SLC1A2: variants seen among roughly 807,000 people sequenced by gnomAD.
The protein encoded by SLC1A2 is solute carrier family 1 member 2, also known as excitatory amino acid transporter 2.
In SLC1A2, 15 loss-of-function variants were observed where a neutral mutation model predicts 48.8. The observed-to-expected ratio is 0.31, with a 90% CI of 0.21 to 0.47. The LOEUF (loss-of-function observed/expected upper bound fraction) is 0.47, where lower values mean the gene tolerates loss of function less well. SLC1A2 is among the 20% of genes least tolerant of loss of function. The pLI is 0.99. For missense variants in SLC1A2, 502 were observed against 730.5 expected (o/e 0.69, Z 3.61); for synonymous variants, 279 against 272.6 (o/e 1.02, Z -0.23).
chr11:35,349,247 G>A (rs932620798), intron 1 of SLC1A2, among the ~76,000 whole-genome samples: 8 of 152,092 alleles, frequency 5.3e-5, no homozygotes, highest in African/African-American at 1.7e-4. Context: ...AAAAACCAGC[G>A]CCAAATCGAA....
intron 1 of SLC1A2, among the ~76,000 whole-genome samples, chr11:35,356,324 T>C (rs1445383045): frequency 6.6e-6 from 1 of 152,198 alleles, no homozygotes; most frequent in African/African-American, 2.4e-5. Context: ...GTTTGTTCTA[T>C]AAAATTTCTG....
At chr11:35,377,293 G>C (rs1333228489) in intron 1 of SLC1A2, among the ~76,000 whole-genome samples, 2 of 152,186 alleles carry the variant, frequency 1.3e-5, no homozygotes, top group African/African-American at 2.4e-5. Context: ...GAGACTGTAG[G>C]CATCTTTTTC....
intron 10 of SLC1A2, among the ~76,000 whole-genome samples, chr11:35,262,550 T>C (rs1308090363): frequency 1.3e-5 from 2 of 152,168 alleles, no homozygotes; most frequent in Non-Finnish European, 2.9e-5. Flanking sequence ...TTTTAAAAAG[T>C]GGGAAATAGT....
chr11:35,292,622 T>G, intron 6 of SLC1A2, 102 bp from the exon 7 acceptor site: 1 of 660,538 alleles, frequency 1.5e-6, no homozygotes. Flanking sequence ...TTGGCTCTTC[T>G]GTACAAAAAA....
At chr11:35,263,839 G>A (rs927844238) in intron 10 of SLC1A2, 2 of 152,150 alleles carry the variant, frequency 1.3e-5, no homozygotes, top group African/African-American at 4.8e-5. Context: ...AATACTGGAT[G>A]AATAATCAAA....
chr11:35,269,225 T>C (rs1357115044), intron 9 of SLC1A2, among the ~76,000 whole-genome samples: 1 of 152,178 alleles, frequency 6.6e-6, no homozygotes. Context: ...AATCTCCCAG[T>C]GCCTTGATCT....
intron 1 of SLC1A2, among the ~76,000 whole-genome samples, chr11:35,336,030 G>A (rs940675334): frequency 6.6e-6 from 1 of 152,150 alleles, no homozygotes; most frequent in Non-Finnish European, 1.5e-5. Context: ...CATGAATTGA[G>A]CTGGAAGCCA....
At chr11:35,383,068 C>T (rs775132216) in intron 1 of SLC1A2, among the ~76,000 whole-genome samples, 2 of 151,994 alleles carry the variant, frequency 1.3e-5, no homozygotes, top group Admixed American at 6.6e-5. Flanking sequence ...TAGGCATGTC[C>T]AAGAGTAAGG....
chr11:35,411,520 T>C (rs1398888242), intron 1 of SLC1A2, among the ~76,000 whole-genome samples: 1 of 152,180 alleles, frequency 6.6e-6, no homozygotes, highest in Non-Finnish European at 1.5e-5. Flanking sequence ...GGCATTGTTA[T>C]AGCTAGCTCA....
At chr11:35,363,144 T>G (rs540077502) in intron 1 of SLC1A2, among the ~76,000 whole-genome samples, 1 of 152,212 alleles carries the variant, frequency 6.6e-6, no homozygotes, top group Non-Finnish European at 1.5e-5. Context: ...AGAGGCTTAC[T>G]GTCTCTCTAG....
At chr11:35,282,895 T>TG (rs1850687617) in intron 8 of SLC1A2, among the ~76,000 whole-genome samples, 1 of 152,186 alleles carries the variant, frequency 6.6e-6, no homozygotes, top group East Asian at 1.9e-4. Flanking sequence ...TGTGTGGAAT[T>TG]CTAAGCCCTG....
At chr11:35,353,427 T>TC (rs35121562) in intron 1 of SLC1A2, among the ~76,000 whole-genome samples, 121,681 of 152,114 alleles carry the variant, frequency 0.8, 49,256 homozygotes, top group East Asian at 0.92. Flanking sequence ...AAAGTCTAAC[T>TC]CCCTGTTGAT....
intron 7 of SLC1A2, among the ~76,000 whole-genome samples, chr11:35,288,682 T>C (rs112889311): frequency 6.7e-6 from 1 of 149,482 alleles, no homozygotes; most frequent in Non-Finnish European, 1.5e-5. Flanking sequence ...TTAAGTCGAC[T>C]GGGAAAAATG....
chr11:35,365,854 A>G (rs1395514902), intron 1 of SLC1A2, among the ~76,000 whole-genome samples: 1 of 152,192 alleles, frequency 6.6e-6, no homozygotes. Context: ...GGCTCTCTAC[A>G]GGGGTGACTT....
intron 1 of SLC1A2, among the ~76,000 whole-genome samples, chr11:35,359,858 A>G (rs996580166): frequency 5.9e-5 from 9 of 152,218 alleles, no homozygotes; most frequent in Admixed American, 1.3e-4. Flanking sequence ...GAGCGAAATC[A>G]CATTATTTCA....
intron 1 of SLC1A2, among the ~76,000 whole-genome samples, chr11:35,399,993 A>T (rs1405922527): frequency 1.3e-5 from 2 of 152,240 alleles, no homozygotes; most frequent in Non-Finnish European, 2.9e-5. Flanking sequence ...TGAGGAATTC[A>T]AAGTCAACCC....
intron 6 of SLC1A2, chr11:35,299,539 A>T (rs1021717514): frequency 1.3e-5 from 2 of 152,134 alleles, no homozygotes; most frequent in Non-Finnish European, 2.9e-5. Context: ...CTGTGTTTTA[A>T]AAGCACCGTA....
intron 9 of SLC1A2, among the ~76,000 whole-genome samples, chr11:35,271,377 C>A (rs1225537328): frequency 6.6e-6 from 1 of 152,152 alleles, no homozygotes; most frequent in Non-Finnish European, 1.5e-5. Context: ...GCTTAATTAA[C>A]CCTTGGAGAG....
intron 9 of SLC1A2, among the ~76,000 whole-genome samples, chr11:35,274,344 G>A (rs1192743739): frequency 6.6e-6 from 1 of 152,196 alleles, no homozygotes; most frequent in Non-Finnish European, 1.5e-5. Flanking sequence ...AGAAACTTTG[G>A]TGAGAGAGGA....
Sources: gnomAD v4.1 joint callset for allele counts (sites outside exome capture counted in the v4.1 genomes callset) on GRCh38, gnomAD v4.1.1 for gene constraint, MANE v1.5 for transcripts, NCBI Gene and HGNC (gene_info 2026-07-23, HGNC 2026-07-21) for gene names.